Variants in LAMA3 observed in about 807,000 individuals in gnomAD.
The protein encoded by LAMA3 is laminin subunit alpha-3.
Under a neutral mutation model 402.0 loss-of-function variants are expected in LAMA3, and 281 were observed. The observed-to-expected ratio is 0.70, with a 90% CI of 0.63 to 0.77. The LOEUF (loss-of-function observed/expected upper bound fraction) is 0.77. Among genes scored for constraint, LAMA3 ranks in the 30% least tolerant of loss-of-function variants. The pLI is 0.00. For missense variants in LAMA3, 3,840 were observed against 4,215.5 expected (o/e 0.91, Z 2.47); for synonymous variants, 1,431 against 1,558.4 (o/e 0.92, Z 1.93).
chr18:23,721,220 G>T (rs1660056045), intron 2 of LAMA3, among the ~76,000 whole-genome samples: 3 of 151,924 alleles, frequency 2.0e-5, no homozygotes, highest in Non-Finnish European at 1.5e-5. Flanking sequence ...ACATTCAATT[G>T]GTTCTGTTTC....
In LAMA3 at chr18:23,901,279, A is replaced by C. The variant is rs765559944; in HGVS notation, c.6157A>C (p.Asn2053His). The change falls in exon 48 of 75, where the codon AAT becomes CAT. Residue 2053 changes from asparagine (N) to histidine (H), a missense_variant. Physicochemically the swap from Asn to His is moderately conservative, Grantham distance 68 (BLOSUM62 1). This residue lies in a region of LAMA3 where 891 missense variants were observed against 857.5 expected (regional missense o/e 1.04). Coordinates refer to ENST00000313654, the MANE Select transcript of LAMA3 (RefSeq NM_198129.4). ...QEAAAQAKQA[N>H]GLNQENERAL... The stretch of plus-strand genomic sequence containing the variant: ...GGCAGCTGCCCAAGCCAAGCAGGCA[A>C]ATGGCTTGAACCAAGAAAACGAGAG... 5.6e-6 allele frequency: 9 copies of C among 1,614,200 alleles called. No homozygotes were observed. In the Middle Eastern group the frequency reaches 5.0e-4, roughly 89 times the overall value.
intron 23 of LAMA3, among the ~76,000 whole-genome samples, chr18:23,833,517 C>G (rs924775626): frequency 2.0e-5 from 3 of 152,148 alleles, no homozygotes; most frequent in African/African-American, 7.2e-5. Flanking sequence ...CAAAAACACT[C>G]CTGGGTAGAA....
chr18:23,922,253 T>G (rs1046847072), intron 62 of LAMA3, among the ~76,000 whole-genome samples: 1 of 152,208 alleles, frequency 6.6e-6, no homozygotes, highest in Non-Finnish European at 1.5e-5. Flanking sequence ...ACAGAACATA[T>G]CCTGGAAGGA....
At chr18:23,710,068 C>A in intron 1 of LAMA3, 3 of 759,966 alleles carry the variant, frequency 3.9e-6, no homozygotes, top group Non-Finnish European at 7.1e-6. Context: ...TTGATGATAG[C>A]ATAGTGGTCA....
intron 12 of LAMA3, among the ~76,000 whole-genome samples, chr18:23,805,900 CAA>C (rs1055804408): frequency 1.3e-5 from 2 of 152,298 alleles, no homozygotes; most frequent in African/African-American, 4.8e-5. Context: ...CCCCTTCATT[CAA>C]AGAGTTCTGG....
chr18:23,720,508 C>T (rs1480616928), intron 2 of LAMA3, among the ~76,000 whole-genome samples: 1 of 152,056 alleles, frequency 6.6e-6, no homozygotes, highest in Non-Finnish European at 1.5e-5. Flanking sequence ...GCACGGACCA[C>T]CACACCCAGC....
At chr18:23,858,033 G>A (rs2064126313) in intron 33 of LAMA3, 45 bp downstream of exon 33, 1 of 1,612,638 alleles carries the variant, frequency 6.2e-7, no homozygotes, top group Non-Finnish European at 8.5e-7. Flanking sequence ...CCGGTCAGCA[G>A]GAAAGTGCTT....
chr18:23,910,767 C>G (rs952909501), intron 55 of LAMA3, among the ~76,000 whole-genome samples: 1 of 152,066 alleles, frequency 6.6e-6, no homozygotes, highest in Non-Finnish European at 1.5e-5. Flanking sequence ...CTGTGTGTAT[C>G]AACATGAATA....
chr18:23,786,095 C>T (rs576991846), intron 12 of LAMA3, among the ~76,000 whole-genome samples: 1 of 152,242 alleles, frequency 6.6e-6, no homozygotes, highest in African/African-American at 2.4e-5. Flanking sequence ...TGTTTGAAGT[C>T]TCTGTTAATG....
At chr18:23,753,951 T>G (rs557524146) in intron 6 of LAMA3, 139 bp downstream of exon 6, 32 of 709,404 alleles carry the variant, frequency 4.5e-5, no homozygotes, top group African/African-American at 4.0e-4. Flanking sequence ...AGGTGGGGGG[T>G]GTGTGCCTCC....
At position 23,894,290 on chromosome 18, in the gene LAMA3, G is replaced by A. The variant is rs2145054906; in HGVS notation, c.5411-8G>A. Reference sequence around the variant, plus strand: ...ACTATGTCTTCTTTGGTTATTTTCTGATTTTAGACTGCATAAACCAAGAAC... The same window carrying A: ...ACTATGTCTTCTTTGGTTATTTTCTAATTTTAGACTGCATAAACCAAGAAC... On this transcript the variant is annotated splice_polypyrimidine_tract_variant and splice_region_variant and intron_variant, in intron 42 of 74. Transcript: ENST00000313654. 1 of 1,607,766 alleles carries A rather than the reference G, an allele frequency of 6.2e-7. No individual in the cohort carries two copies. Among genetic ancestry groups the A allele is most frequent in the Non-Finnish European group, 8.5e-7 (1 of 1,174,200 alleles).
chr18:23,804,945 G>C (rs139471803), intron 12 of LAMA3, among the ~76,000 whole-genome samples: 1 of 152,128 alleles, frequency 6.6e-6, no homozygotes, highest in Non-Finnish European at 1.5e-5. Flanking sequence ...GCAGATGCTG[G>C]CACCATGCTT....
chr18:23,769,086 C>T (rs1022060802), intron 8 of LAMA3, among the ~76,000 whole-genome samples: 8 of 152,110 alleles, frequency 5.3e-5, no homozygotes, highest in South Asian at 4.1e-4. Context: ...CAAAGCTGAG[C>T]GCCATGCAAT....
At position 23,847,741 on chromosome 18, in the gene LAMA3, C is replaced by T. The variant is rs974131235; in HGVS notation, c.4136+73C>T. On this transcript the variant is annotated intron_variant, in intron 32 of 74. Coordinates refer to ENST00000313654, the MANE Select transcript of LAMA3 (RefSeq NM_198129.4). ...TGCCATCTGCCCACACACTGGTCAT[C>T]GTCACTTTCCACTTCCCACCTGTCC... is the stretch of plus-strand genomic sequence containing the variant. 42 of 1,454,026 alleles carry T rather than the reference C, an allele frequency of 2.9e-5. No homozygotes were observed. The Admixed American group carries it at 4.4e-4, about 15-fold the overall frequency. The allele number at this position is 1,454,026 out of a possible 1,614,324, so 90.1% of individuals were successfully genotyped here.
intron 50 of LAMA3, 75 bp from the exon 51 acceptor site, chr18:23,904,478 T>C: frequency 2.1e-6 from 3 of 1,398,166 alleles, no homozygotes; most frequent in Non-Finnish European, 9.8e-7. Context: ...AAAGAAGAAA[T>C]GGAAAGGTTT....
intron 36 of LAMA3, among the ~76,000 whole-genome samples, chr18:23,866,681 T>A (rs527301574): frequency 4.9e-4 from 74 of 152,334 alleles, no homozygotes; most frequent in African/African-American, 1.7e-3. Flanking sequence ...TAGAATTCAC[T>A]GAGAGGTAAT....
rs767557062 is a variant in LAMA3, at chr18:23,822,348, G to A, written c.2401G>A (p.Gly801Ser). The A allele has an allele frequency of 6.2e-7, 1 of 1,613,820 alleles. No homozygotes were observed. Among genetic ancestry groups the A allele is most frequent in the Non-Finnish European group, 8.5e-7 (1 of 1,179,738 alleles). The stretch of plus-strand genomic sequence containing the variant: ...TAACCCTGGAACTGAAGCAGTATCT[G>A]GCCATATAACTATTTATCCATCCTG... ...YVNPGTEAVS[G>S]HITIYPSWGA... The change falls in exon 20 of 75, where the codon GGC becomes AGC. Residue 801 changes from glycine to serine, a missense_variant. Transcript: ENST00000313654.
intron 2 of LAMA3, among the ~76,000 whole-genome samples, chr18:23,742,862 C>T (rs1184302036): frequency 6.6e-6 from 1 of 152,070 alleles, no homozygotes; most frequent in Non-Finnish European, 1.5e-5. Context: ...AATTATAAAG[C>T]TATTGACAGA....
rs2081541450 is a variant in LAMA3 at position 23,914,474 on chromosome 18, G to A, written c.7394G>A (p.Gly2465Glu). Residue 2465 changes from glycine to glutamate, a missense_variant, in exon 57 of 75, where the codon GGG (glycine) becomes GAG (glutamate). Around this residue, in one of 3 missense-constraint regions of LAMA3, gnomAD observed 891 missense variants for 857.5 expected, o/e 1.04. Coordinates refer to ENST00000313654, the MANE Select transcript of LAMA3 (RefSeq NM_198129.4). ...CAGCTCACCTGTGTCTACAACCTGG[G>A]GGACCGTGAGGCTGAACTCCAAGTG... ...DGQLTCVYNLGDREAELQVDQ... is the reference protein window; with the variant it reads ...DGQLTCVYNLEDREAELQVDQ... The A allele has an allele frequency of 1.1e-5, 18 of 1,613,944 alleles. No homozygotes were observed. Among genetic ancestry groups the A allele is most frequent in the Middle Eastern group, 1.6e-4 (1 of 6,084 alleles).
Sources: gnomAD v4.1 joint callset for allele counts (sites outside exome capture counted in the v4.1 genomes callset) on GRCh38, gnomAD v4.1.1 for gene constraint, gnomAD v4.1.1 regional missense constraint, MANE v1.5 for transcripts, NCBI Gene and HGNC (gene_info 2026-07-23, HGNC 2026-07-21) for gene names.